Variants in ARHGAP24 observed in about 807,000 individuals in gnomAD.
ARHGAP24 encodes Rho GTPase activating protein 24.
Under a neutral mutation model 76.4 loss-of-function variants are expected in ARHGAP24, and 50 were observed. The ratio of observed to expected loss-of-function variants is 0.65; its 90% confidence interval spans 0.52 to 0.83. The LOEUF is 0.83. ARHGAP24 is among the 40% of genes least tolerant of loss of function. The pLI is 0.00. For synonymous variants in ARHGAP24, 345 were observed against 323.3 expected (o/e 1.07, Z -0.72); for missense variants, 930 against 914.2 (o/e 1.02, Z -0.22).
chr4:85,681,252 CAGCA>C (rs1327671906), intron 2 of ARHGAP24, among the ~76,000 whole-genome samples: 5 of 152,240 alleles, frequency 3.3e-5, no homozygotes, highest in African/African-American at 1.2e-4. Context: ...CAGCTGACTC[CAGCA>C]TAAGCAACTT....
chr4:85,568,731 T>C lies in ARHGAP24; in HGVS notation c.-20-1791T>C, dbSNP rs185112528. 2.7e-3 allele frequency among the ~76,000 whole-genome samples: 407 copies of C among 152,282 alleles called. 2 individuals carry two copies. Among genetic ancestry groups the C allele is most frequent in the Non-Finnish European group, 4.2e-3 (284 of 68,018 alleles). ...GGAATGCCCCATAGAGCAAAGGAAGTGTCCAGACGTATTGTAGAGACAGGG... is the reference window on the plus strand; with the variant it reads ...GGAATGCCCCATAGAGCAAAGGAAGCGTCCAGACGTATTGTAGAGACAGGG... On this transcript the variant is annotated intron_variant, in intron 1 of 9. Transcript: ENST00000395184.
intron 2 of ARHGAP24, among the ~76,000 whole-genome samples, chr4:85,596,106 T>C (rs1261328413): frequency 2.0e-5 from 3 of 151,788 alleles, no homozygotes; most frequent in Non-Finnish European, 4.4e-5. Flanking sequence ...GTATTGTTAC[T>C]GGTAACCCAG....
At position 85,674,084 on chromosome 4, in the gene ARHGAP24, T is replaced by A. The variant is rs73835515; in HGVS notation, c.181-47801T>A. On this transcript the variant is annotated intron_variant, in intron 2 of 9. Transcript: ENST00000395184. ...AGTGGCATCTGGGACTAAACCCCAG[T>A]GTACTGGTCCACGCAGTGGTTCTCA... Among the ~76,000 whole-genome samples, 942 of 152,256 alleles carry A rather than the reference T, an allele frequency of 6.2e-3. 11 individuals are homozygous for A. Among genetic ancestry groups the A allele is most frequent in the African/African-American group, 0.021 (879 of 41,544 alleles).
intron 3 of ARHGAP24, among the ~76,000 whole-genome samples, chr4:85,728,491 C>A (rs972680264): frequency 2.0e-5 from 3 of 152,098 alleles, no homozygotes; most frequent in Non-Finnish European, 1.5e-5. Flanking sequence ...TTGTAATTAT[C>A]TGTTATACCA....
At chr4:85,766,793 G>C (rs1726946192) in intron 3 of ARHGAP24, among the ~76,000 whole-genome samples, 1 of 151,978 alleles carries the variant, frequency 6.6e-6, no homozygotes, top group Non-Finnish European at 1.5e-5. Flanking sequence ...AACTATACTG[G>C]GTTCACCTGC....
Position 85,613,122 on chromosome 4 carries a change from T to C in ARHGAP24, c.180+42401T>C, listed in dbSNP as rs1482065389. The stretch of plus-strand genomic sequence containing the variant: ...CTCCCTTCCTTTTTAAGTTACAGTT[T>C]ACTATCCTGAAGTTGGTGTGTGCAA... On this transcript the variant is annotated intron_variant, in intron 2 of 9. Coordinates refer to ENST00000395184, the MANE Select transcript of ARHGAP24 (RefSeq NM_001025616.3). Among the ~76,000 whole-genome samples the C allele has an allele frequency of 2.0e-5, 3 of 152,120 alleles. No individual in the cohort carries two copies. The East Asian group carries it at 5.8e-4, about 29-fold the overall frequency.
At chr4:85,606,961 G>A (rs1720215314) in intron 2 of ARHGAP24, among the ~76,000 whole-genome samples, 2 of 152,158 alleles carry the variant, frequency 1.3e-5, no homozygotes, top group Admixed American at 1.3e-4. Flanking sequence ...GAGTTTGAGA[G>A]ACAATAATAA....
intron 2 of ARHGAP24, among the ~76,000 whole-genome samples, chr4:85,699,587 G>A (rs560461547): frequency 1.3e-5 from 2 of 152,070 alleles, no homozygotes; most frequent in African/African-American, 4.8e-5. Flanking sequence ...GGGCAACAGA[G>A]CAAGACCCTG....
At chr4:85,895,192 A>C (rs1039064734) in intron 3 of ARHGAP24, among the ~76,000 whole-genome samples, 5 of 151,976 alleles carry the variant, frequency 3.3e-5, no homozygotes, top group African/African-American at 1.2e-4. Context: ...CTGTACCCCC[A>C]AAAAACTATT....
At chr4:85,688,060 G>A (rs952581851) in intron 2 of ARHGAP24, among the ~76,000 whole-genome samples, 1 of 152,084 alleles carries the variant, frequency 6.6e-6, no homozygotes, top group Non-Finnish European at 1.5e-5. Context: ...TAATCCGCCC[G>A]CCTTGGCCTC....
At chr4:85,778,468 G>T (rs749639110) in intron 3 of ARHGAP24, among the ~76,000 whole-genome samples, 2 of 152,118 alleles carry the variant, frequency 1.3e-5, no homozygotes, top group Non-Finnish European at 2.9e-5. Flanking sequence ...GTTAACTGTG[G>T]CACTAACTAG....
intron 2 of ARHGAP24, among the ~76,000 whole-genome samples, chr4:85,586,521 G>A (rs1201055294): frequency 2.6e-5 from 4 of 152,094 alleles, no homozygotes; most frequent in Admixed American, 6.5e-5. Flanking sequence ...GAATATCTAC[G>A]ATGTTACATC....
chr4:85,716,862 A>G (rs1342075746), intron 2 of ARHGAP24, among the ~76,000 whole-genome samples: 1 of 152,134 alleles, frequency 6.6e-6, no homozygotes, highest in Non-Finnish European at 1.5e-5. Flanking sequence ...AGCCCAATAC[A>G]AGTAGGACCA....
intron 4 of ARHGAP24, among the ~76,000 whole-genome samples, chr4:85,927,798 C>G (rs1019804017): frequency 2.8e-4 from 43 of 152,260 alleles, no homozygotes; most frequent in African/African-American, 8.4e-4. Context: ...TCATGAGGCA[C>G]TGAAGCTTAT....
intron 3 of ARHGAP24, among the ~76,000 whole-genome samples, chr4:85,914,370 C>G (rs1313403412): frequency 6.6e-6 from 1 of 152,184 alleles, no homozygotes; most frequent in Non-Finnish European, 1.5e-5. Context: ...ATCTTAAAAG[C>G]ACAGATTGCA....
At chr4:85,716,723 T>C (rs1239507971) in intron 2 of ARHGAP24, among the ~76,000 whole-genome samples, 1 of 152,014 alleles carries the variant, frequency 6.6e-6, no homozygotes, top group Non-Finnish European at 1.5e-5. Context: ...AAAAAAAAAT[T>C]TACCAAGTGT....
At chr4:85,679,452 T>C (rs184610956) in intron 2 of ARHGAP24, among the ~76,000 whole-genome samples, 2 of 152,256 alleles carry the variant, frequency 1.3e-5, no homozygotes, top group Admixed American at 1.3e-4. Context: ...AATATTTTGG[T>C]TTCCTTTGAC....
intron 2 of ARHGAP24, among the ~76,000 whole-genome samples, chr4:85,625,802 T>C (rs559415861): frequency 1.3e-5 from 2 of 152,348 alleles, no homozygotes; most frequent in South Asian, 2.1e-4. Context: ...TTCTTATTAA[T>C]TGATCCCTTT....
intron 3 of ARHGAP24, among the ~76,000 whole-genome samples, chr4:85,823,062 T>C (rs879312320): frequency 6.6e-6 from 1 of 152,202 alleles, no homozygotes; most frequent in Non-Finnish European, 1.5e-5. Context: ...ATGATCTCTT[T>C]ATTATGAACT....
Sources: gnomAD v4.1 joint callset for allele counts (sites outside exome capture counted in the v4.1 genomes callset) on GRCh38, gnomAD v4.1.1 for gene constraint, MANE v1.5 for transcripts, NCBI Gene and HGNC (gene_info 2026-07-23, HGNC 2026-07-21) for gene names.